The following CUBN variants were observed in gnomAD, a reference collection of about 807,000 sequenced individuals.
CUBN encodes cubilin.
Under a neutral mutation model 405.3 loss-of-function variants are expected in CUBN, and 282 were observed. The ratio of observed to expected loss-of-function variants is 0.70; its 90% CI spans 0.63 to 0.77. The LOEUF (loss-of-function observed/expected upper bound fraction) is 0.77, where lower values mean the gene tolerates loss of function less well. Among genes scored for constraint, CUBN ranks in the 30% least tolerant of loss-of-function variants. The probability of loss-of-function intolerance (pLI) is 0.00; values close to 1 mark genes in which losing one functional copy is unlikely to be tolerated. For missense variants in CUBN, 4,514 were observed against 4,475.2 expected (o/e 1.01, Z -0.25); for synonymous variants, 1,684 against 1,617.0 (o/e 1.04, Z -0.99).
rs774625538 is a variant in CUBN, at chr10:16,907,618, A to G, written c.7595T>C (p.Val2532Ala). The G allele has an allele frequency of 6.2e-7, 1 of 1,613,036 alleles. No homozygotes were observed. The highest frequency in any genetic ancestry group is 1.1e-5 in the South Asian group (1 of 91,030). Residue 2532 changes from valine (V) to alanine (A), a missense_variant, in exon 49 of 67, where the codon GTA (valine) becomes GCA (alanine). Around this residue, in one of 5 missense-constraint regions of CUBN, gnomAD observed 1,613 missense variants for 1,542.8 expected, o/e 1.05. Transcript: ENST00000377833. ...TCCTGAAGATTTAATCTCATTGCTT[A>G]CATTCACACTACTACACAGTTTCTC... ...QLEKLCSSVN[V>A]SNEIKSSGNT...
chr10:16,990,558 G>A, intron 28 of CUBN, 43 bp from the exon 29 acceptor site: 2 of 1,582,622 alleles, frequency 1.3e-6, no homozygotes, highest in South Asian at 2.2e-5. Context: ...GTGGGCAACA[G>A]CACATGGAAA....
At chr10:17,101,393 C>G (rs553772716) in intron 13 of CUBN, among the ~76,000 whole-genome samples, 3 of 151,632 alleles carry the variant, frequency 2.0e-5, no homozygotes, top group African/African-American at 7.3e-5. Flanking sequence ...TTCATGAAAA[C>G]TAAATGGAAG....
At chr10:16,901,215 T>C in intron 52 of CUBN, 123 bp downstream of exon 52, 1 of 1,330,208 alleles carries the variant, frequency 7.5e-7, no homozygotes, top group Non-Finnish European at 1.1e-6. Context: ...AAAACAGTGA[T>C]CTCATTGTAG....
intron 59 of CUBN, among the ~76,000 whole-genome samples, chr10:16,866,801 C>T (rs1321833259): frequency 6.6e-6 from 1 of 152,122 alleles, no homozygotes; most frequent in Non-Finnish European, 1.5e-5. Flanking sequence ...TGTGCTTTCT[C>T]CTTACCTTGC....
At chr10:16,941,377 T>C (rs1241993836) in intron 36 of CUBN, among the ~76,000 whole-genome samples, 1 of 152,100 alleles carries the variant, frequency 6.6e-6, no homozygotes, top group Non-Finnish European at 1.5e-5. Context: ...TTCTCAAGGA[T>C]GTAAATATAA....
intron 28 of CUBN, among the ~76,000 whole-genome samples, chr10:17,017,463 C>T (rs12246329): frequency 0.2 from 29,975 of 152,022 alleles, 3,555 homozygotes; most frequent in African/African-American, 0.34. Flanking sequence ...TTACCCGCAT[C>T]GTATAAAGGT....
intron 40 of CUBN, 90 bp downstream of exon 40, chr10:16,932,997 G>T (rs910782516): frequency 7.4e-7 from 1 of 1,347,394 alleles, no homozygotes; most frequent in Non-Finnish European, 1.1e-6. Flanking sequence ...CAAACCAAAC[G>T]GATGGAGGCA....
At chr10:16,874,927 A>G (rs1840456726) in intron 57 of CUBN, among the ~76,000 whole-genome samples, 1 of 152,088 alleles carries the variant, frequency 6.6e-6, no homozygotes, top group South Asian at 2.1e-4. Flanking sequence ...GTGATCTGGA[A>G]ATCTGAAATA....
chr10:17,072,569 T>C (rs1325119805), intron 17 of CUBN, among the ~76,000 whole-genome samples: 1 of 151,820 alleles, frequency 6.6e-6, no homozygotes, highest in East Asian at 1.9e-4. Flanking sequence ...TTTTTTTAAG[T>C]TAGAAAAAAA....
intron 60 of CUBN, among the ~76,000 whole-genome samples, chr10:16,850,410 A>C (rs1839651401): frequency 6.6e-6 from 1 of 152,228 alleles, no homozygotes; most frequent in South Asian, 2.1e-4. Flanking sequence ...GATAGGTATA[A>C]TAATTTAATA....
intron 43 of CUBN, among the ~76,000 whole-genome samples, chr10:16,922,444 A>G (rs11254277): frequency 0.3 from 45,983 of 151,982 alleles, 7,214 homozygotes; most frequent in Non-Finnish European, 0.33. Flanking sequence ...AGCCTTCCCC[A>G]TCTCCAATGT....
chr10:16,906,088 C>T (rs773235650), intron 50 of CUBN, 115 bp downstream of exon 50: 10 of 848,870 alleles, frequency 1.2e-5, no homozygotes, highest in African/African-American at 3.4e-5. Context: ...CACTCCAGTC[C>T]GGGCAAGAGA....
rs776790077 is a variant in CUBN, at chr10:17,115,456, G to A, written c.720+15C>T. The A allele has an allele frequency of 6.2e-7, 1 of 1,613,484 alleles. No homozygotes were observed. Among genetic ancestry groups the A allele is most frequent in the Admixed American group, 1.7e-5 (1 of 60,014 alleles). On this transcript the variant is annotated intron_variant, in intron 7 of 66. Coordinates refer to ENST00000377833, the MANE Select transcript of CUBN (RefSeq NM_001081.4). ...TGGCTCTCTGCAAGGAGGCACATTT[G>A]GGGAAGGGACCCACCTCTCCAGCTT...
intron 22 of CUBN, among the ~76,000 whole-genome samples, chr10:17,050,624 C>T (rs575515325): frequency 9.2e-5 from 14 of 152,114 alleles, no homozygotes; most frequent in Non-Finnish European, 1.5e-4. Context: ...AGGCTGGAAG[C>T]GGAAACAAGA....
intron 31 of CUBN, 35 bp from the exon 32 acceptor site, chr10:16,954,583 G>A (rs774102227): frequency 9.9e-6 from 16 of 1,610,156 alleles, no homozygotes; most frequent in Non-Finnish European, 1.4e-5. Flanking sequence ...CAGTGGTTCA[G>A]ATTCACATCT....
intron 64 of CUBN, among the ~76,000 whole-genome samples, chr10:16,833,299 G>C (rs980601546): frequency 2.6e-5 from 4 of 152,156 alleles, no homozygotes; most frequent in Non-Finnish European, 4.4e-5. Flanking sequence ...TGAATAACCT[G>C]ACCGGCACAA....
intron 27 of CUBN, among the ~76,000 whole-genome samples, chr10:17,026,745 T>C (rs947312605): frequency 6.6e-6 from 1 of 152,086 alleles, no homozygotes; most frequent in Non-Finnish European, 1.5e-5. Flanking sequence ...GGTGGATAAA[T>C]GAGGCAAATG....
intron 17 of CUBN, among the ~76,000 whole-genome samples, chr10:17,081,534 T>C (rs962079576): frequency 6.6e-6 from 1 of 152,328 alleles, no homozygotes; most frequent in African/African-American, 2.4e-5. Context: ...CTTTAAAAAA[T>C]GAAGACATCA....
chr10:17,041,482 T>C (rs573345152), intron 26 of CUBN, among the ~76,000 whole-genome samples: 2 of 152,182 alleles, frequency 1.3e-5, no homozygotes, highest in East Asian at 1.9e-4. Context: ...TAAAGAGTCA[T>C]GAAAATTAAA....
Sources: gnomAD v4.1 joint callset for allele counts (sites outside exome capture counted in the v4.1 genomes callset) on GRCh38, gnomAD v4.1.1 for gene constraint, gnomAD v4.1.1 regional missense constraint, MANE v1.5 for transcripts, NCBI Gene and HGNC (gene_info 2026-07-23, HGNC 2026-07-21) for gene names.